The following SYCE2 variants were observed in gnomAD, a reference collection of about 807,000 sequenced individuals.
SYCE2 encodes the protein central element synaptonemal complex 1.
In SYCE2, 3 loss-of-function variants were observed where a neutral mutation model predicts 27.9. That is an observed-to-expected ratio of 0.11 (90% CI 0.05 to 0.28). The LOEUF is 0.28. Ranked by LOEUF, SYCE2 falls within the 10% of genes least tolerant of loss-of-function variation. The pLI is 1.00. For missense variants in SYCE2, 207 were observed against 263.5 expected, an observed-to-expected ratio of 0.79 and a Z score of 1.48; for synonymous variants, 85 against 100.7, an observed-to-expected ratio of 0.84 and a Z score of 0.93.
intron 2 of SYCE2, among the ~76,000 whole-genome samples, chr19:12,914,916 G>A (rs375326235): frequency 3.3e-5 from 5 of 152,198 alleles, no homozygotes; most frequent in Non-Finnish European, 4.4e-5. Flanking sequence ...GCCTGCAGCC[G>A]TATCTTTTTA....
At chr19:12,905,383 G>A (rs915184110) in intron 2 of SYCE2, among the ~76,000 whole-genome samples, 1 of 152,048 alleles carries the variant, frequency 6.6e-6, no homozygotes, top group East Asian at 1.9e-4. Flanking sequence ...CCAGGCTGGA[G>A]TGCAGTGGCG....
chr19:12,907,425 G>C (rs912731843), intron 2 of SYCE2, among the ~76,000 whole-genome samples: 1 of 152,198 alleles, frequency 6.6e-6, no homozygotes, highest in Admixed American at 6.5e-5. Flanking sequence ...AAGCCTTGTA[G>C]GTGTGGACAG....
intron 3 of SYCE2, among the ~76,000 whole-genome samples, chr19:12,901,649 C>T (rs553093938): frequency 6.6e-6 from 1 of 152,188 alleles, no homozygotes; most frequent in African/African-American, 2.4e-5. Flanking sequence ...GAGTTTCGCT[C>T]TCATTGCCCA....
chr19:12,899,455 T>C lies in SYCE2; in HGVS notation c.613-70A>G, dbSNP rs1182679462. 7.4e-6 allele frequency: 12 copies of C among 1,614,068 alleles called. No individual in the cohort carries two copies. Among genetic ancestry groups the C allele is most frequent in the Non-Finnish European group, 1.0e-5 (12 of 1,180,022 alleles). On this transcript the variant is annotated intron_variant, in intron 5 of 5. Transcript: ENST00000293695. ...TGAAAACTCCAAACCGACTCTGTAT[T>C]AATCTTGTCCAGGTACACATGACAT... is the stretch of plus-strand genomic sequence containing the variant.
At chr19:12,917,649 C>T (rs1353816014) in intron 2 of SYCE2, among the ~76,000 whole-genome samples, 7 of 95,862 alleles carry the variant, frequency 7.3e-5, no homozygotes, top group Non-Finnish European at 2.2e-5. Flanking sequence ...GCATAAGCCA[C>T]CATTCCTGGC....
chr19:12,910,071 T>C (rs1034317565), intron 2 of SYCE2, among the ~76,000 whole-genome samples: 4 of 151,922 alleles, frequency 2.6e-5, no homozygotes, highest in South Asian at 2.1e-4. Flanking sequence ...TTCAACATCT[T>C]GGCCAGGCTG....
intron 3 of SYCE2, among the ~76,000 whole-genome samples, chr19:12,903,327 G>A (rs1234410428): frequency 3.3e-5 from 5 of 151,170 alleles, no homozygotes; most frequent in African/African-American, 7.3e-5. Flanking sequence ...TCCTGACCTC[G>A]TGATCTGCCC....
chr19:12,909,447 C>T (rs1388024511), intron 2 of SYCE2, among the ~76,000 whole-genome samples: 1 of 152,186 alleles, frequency 6.6e-6, no homozygotes, highest in East Asian at 1.9e-4. Flanking sequence ...ACATAAAAAG[C>T]CACCTGGTTC....
rs145937726 is a variant in SYCE2, at chr19:12,913,290, G to T, written c.131+4932C>A. The stretch of plus-strand genomic sequence containing the variant: ...GGCCCAGGAGCTGCGGAGGAAATGG[G>T]TCTAAGCGAAGAGACCATCTGTTCG... On this transcript the variant is annotated intron_variant, in intron 2 of 5. Transcript: ENST00000293695. Among the ~76,000 whole-genome samples the T allele has an allele frequency of 2.7e-3, 406 of 152,352 alleles. 3 individuals carry two copies. Among genetic ancestry groups the T allele is most frequent in the African/African-American group, 9.0e-3 (373 of 41,586 alleles).
At chr19:12,906,722 C>T (rs1970940273) in intron 2 of SYCE2, among the ~76,000 whole-genome samples, 2 of 152,010 alleles carry the variant, frequency 1.3e-5, no homozygotes, top group Admixed American at 6.6e-5. Context: ...GCCTGGCCAA[C>T]ATGGTGAAAC....
chr19:12,904,712 C>G, intron 2 of SYCE2, 46 bp from the exon 3 acceptor site: 1 of 1,606,618 alleles, frequency 6.2e-7, no homozygotes, highest in Non-Finnish European at 8.5e-7. Context: ...TCTCAGAGTA[C>G]AGGAAGCGGC....
At chr19:12,899,715 C>A (rs1970790212) in intron 5 of SYCE2, 1 of 1,611,978 alleles carries the variant, frequency 6.2e-7, no homozygotes, top group Non-Finnish European at 8.5e-7. Flanking sequence ...CAGATGTGTT[C>A]CTTAAAAAGA....
chr19:12,905,152 C>T lies in SYCE2; in HGVS notation c.132-486G>A, dbSNP rs1042185715. ...TCCTAGGTTATTCCATTCACACACA[C>T]GCCCTGAATGATGAGAATGGCACCC... On this transcript the variant is annotated intron_variant, in intron 2 of 5. Coordinates refer to ENST00000293695, the MANE Select transcript of SYCE2 (RefSeq NM_001105578.2). Among the ~76,000 whole-genome samples the T allele has an allele frequency of 2.6e-5, 4 of 152,040 alleles. 1 individual carries two copies. Among genetic ancestry groups the T allele is most frequent in the East Asian group, 1.9e-4 (1 of 5,186 alleles).
intron 2 of SYCE2, among the ~76,000 whole-genome samples, chr19:12,915,382 T>G (rs879138581): frequency 6.6e-6 from 1 of 151,998 alleles, no homozygotes. Flanking sequence ...GGGCGGATCA[T>G]GAGGTCAGGA....
intron 2 of SYCE2, among the ~76,000 whole-genome samples, chr19:12,913,265 G>A (rs1971079146): frequency 6.6e-6 from 1 of 152,240 alleles, no homozygotes; most frequent in Non-Finnish European, 1.5e-5. Context: ...GCTGGCAGGG[G>A]GCCCAGGAGC....
chr19:12,919,280 C>G lies in SYCE2; in HGVS notation c.-23G>C. Reference sequence around the variant, plus strand: ...CATTCCGTATTTTCCCGCCTTCAAGCTCGCACCCTCTGCGCATGCGCCGAC... The same window carrying G: ...CATTCCGTATTTTCCCGCCTTCAAGGTCGCACCCTCTGCGCATGCGCCGAC... On this transcript the variant is annotated 5_prime_UTR_variant, in exon 1 of 6. Coordinates refer to ENST00000293695, the MANE Select transcript of SYCE2 (RefSeq NM_001105578.2). 1.9e-6 allele frequency: 3 copies of G among 1,609,276 alleles called. No homozygotes were observed. The South Asian group carries it at 3.3e-5, about 18-fold the overall frequency.
chr19:12,899,641 C>A lies in SYCE2; in HGVS notation c.613-256G>T, dbSNP rs552950984. ...GCTCTGAGCTTAGAAAGGGAGGTGG[C>A]GGATGGAGTGGGAAGTGAGAGACAC... On this transcript the variant is annotated intron_variant, in intron 5 of 5. Transcript: ENST00000293695. 8.1e-6 allele frequency: 13 copies of A among 1,612,214 alleles called. No homozygotes were observed. The African/African-American group carries it at 1.6e-4, about 20-fold the overall frequency.
intron 2 of SYCE2, among the ~76,000 whole-genome samples, chr19:12,917,364 TTC>T (rs1356945558): frequency 6.6e-6 from 1 of 151,914 alleles, no homozygotes; most frequent in Non-Finnish European, 1.5e-5. Flanking sequence ...TACTAAATTT[TTC>T]TTTTTTCTTT....
intron 4 of SYCE2, 104 bp from the exon 5 acceptor site, chr19:12,900,224 G>C: frequency 7.3e-7 from 1 of 1,373,418 alleles, no homozygotes; most frequent in Non-Finnish European, 9.9e-7. Context: ...TGTCCTTTCT[G>C]TCACCACAGA....
Sources: allele counts gnomAD v4.1 joint callset (sites outside exome capture counted in the v4.1 genomes callset), GRCh38; gene constraint gnomAD v4.1.1; transcripts MANE v1.5; gene names NCBI Gene and HGNC (gene_info 2026-07-23, HGNC 2026-07-21).